The following FER1L6 variants were observed in gnomAD, a reference collection of about 807,000 sequenced individuals.
The protein encoded by FER1L6 is fer-1-like protein 6.
FER1L6 carries 177 observed loss-of-function variants against 219.2 expected under a neutral mutation model. The observed-to-expected ratio is 0.81, with a 90% CI of 0.71 to 0.91. FER1L6 has a LOEUF of 0.91. Ranked by LOEUF, FER1L6 falls within the 40% of genes least tolerant of loss-of-function variation. FER1L6 has a pLI of 0.00. For missense variants in FER1L6, 2,153 were observed against 2,259.9 expected, an observed-to-expected ratio of 0.95 and a Z score of 0.96; for synonymous variants, 768 against 824.3, an observed-to-expected ratio of 0.93 and a Z score of 1.17.
chr8:124,114,894 CGTATATAT>C (rs1222472472), intron 39 of FER1L6, among the ~76,000 whole-genome samples: 2 of 30,930 alleles, frequency 6.5e-5, no homozygotes, highest in Non-Finnish European at 1.6e-4. Flanking sequence ...TGTGTGTGTG[CGTATATAT>C]ATATATATAT....
rs545685767 is a variant in FER1L6 at position 123,928,472 on chromosome 8, G to T, written c.-7-27520G>T. The stretch of plus-strand genomic sequence containing the variant: ...TTCTGCTGTGGGGAAGGGCAAATAG[G>T]CTTGTTTTCTTAGGGGAGTAGCAGA... On this transcript the variant is annotated intron_variant, in intron 1 of 40. Coordinates refer to ENST00000522917, the MANE Select transcript of FER1L6 (RefSeq NM_001039112.2). 3.3e-5 allele frequency among the ~76,000 whole-genome samples: 5 copies of T among 152,246 alleles called. No homozygotes were observed. The South Asian group carries it at 1.0e-3, about 32-fold the overall frequency.
intron 1 of FER1L6, among the ~76,000 whole-genome samples, chr8:123,946,727 C>G (rs940510539): frequency 6.6e-6 from 1 of 152,164 alleles, no homozygotes; most frequent in African/African-American, 2.4e-5. Flanking sequence ...CTCTCTTCCT[C>G]CCACATCTGA....
intron 12 of FER1L6, among the ~76,000 whole-genome samples, chr8:123,992,145 T>C (rs1056434963): frequency 6.6e-6 from 1 of 152,184 alleles, no homozygotes; most frequent in African/African-American, 2.4e-5. Context: ...ATCAGGGATA[T>C]TGTTCTGTAG....
At chr8:124,019,406 G>A (rs1818355382) in intron 16 of FER1L6, among the ~76,000 whole-genome samples, 1 of 152,282 alleles carries the variant, frequency 6.6e-6, no homozygotes, top group African/African-American at 2.4e-5. Flanking sequence ...TTAATTATGT[G>A]CATGTATTGT....
At chr8:123,911,234 A>G (rs190794858) in intron 1 of FER1L6, among the ~76,000 whole-genome samples, 84 of 152,376 alleles carry the variant, frequency 5.5e-4, no homozygotes, top group Non-Finnish European at 7.3e-4. Context: ...CACATTTCAA[A>G]AAAAGTTACT....
At chr8:124,021,839 A>T (rs1008570691) in intron 17 of FER1L6, among the ~76,000 whole-genome samples, 170 bp downstream of exon 17, 1 of 135,998 alleles carries the variant, frequency 7.4e-6, no homozygotes, top group African/African-American at 2.9e-5. Context: ...TAAACCAAAC[A>T]AGTACAGCTT....
intron 22 of FER1L6, 136 bp from the exon 23 acceptor site, chr8:124,060,044 G>C: frequency 1.5e-6 from 1 of 661,678 alleles, no homozygotes; most frequent in Non-Finnish European, 2.7e-6. Flanking sequence ...TAAAATGCAT[G>C]GTCCTTGTAT....
In FER1L6 at chr8:123,973,523, A is replaced by G. The variant is rs891286178; in HGVS notation, c.526+11A>G. On this transcript the variant is annotated intron_variant, in intron 7 of 40. Coordinates refer to ENST00000522917, the MANE Select transcript of FER1L6 (RefSeq NM_001039112.2). ...TGTACAACCAACCTGGTAAGAAAACATCACCTCCCCATCTGTATCTCACTT... is the reference window on the plus strand; with the variant it reads ...TGTACAACCAACCTGGTAAGAAAACGTCACCTCCCCATCTGTATCTCACTT... 6.9e-6 allele frequency: 11 copies of G among 1,600,792 alleles called. No individual in the cohort carries two copies. The highest frequency in any genetic ancestry group is 9.4e-6 in the Non-Finnish European group (11 of 1,168,044).
At chr8:123,936,122 G>T (rs551716898) in intron 1 of FER1L6, among the ~76,000 whole-genome samples, 31 of 152,150 alleles carry the variant, frequency 2.0e-4, no homozygotes, top group African/African-American at 7.2e-4. Context: ...ATAACCTCTC[G>T]GTCAGATGCA....
chr8:124,095,003 C>G lies in FER1L6; in HGVS notation c.4660C>G (p.Pro1554Ala). The change falls in exon 35 of 41, where the codon CCA becomes GCA. Residue 1554 changes from proline (P) to alanine (A), a missense_variant. By Grantham distance (27) the Pro-to-Ala change is conservative. Coordinates refer to ENST00000522917, the MANE Select transcript of FER1L6 (RefSeq NM_001039112.2). ...GGTTCCTGAACACATAGAAACTCGG[C>G]CACTGTACCACAAGGATAAGCCAGG... Reference protein sequence around the residue: ...RLVPEHIETRPLYHKDKPGME... With the variant: ...RLVPEHIETRALYHKDKPGME... The G allele has an allele frequency of 1.2e-6, 2 of 1,614,086 alleles. No homozygotes were observed. The highest frequency in any genetic ancestry group is 1.7e-6 in the Non-Finnish European group (2 of 1,179,964).
At chr8:124,000,474 A>T (rs1392372814) in intron 12 of FER1L6, among the ~76,000 whole-genome samples, 2 of 152,062 alleles carry the variant, frequency 1.3e-5, no homozygotes, top group Non-Finnish European at 2.9e-5. Flanking sequence ...CTCTAGATTT[A>T]TTTTCATACT....
At chr8:123,978,052 C>T (rs990793195) in intron 10 of FER1L6, among the ~76,000 whole-genome samples, 8 of 152,080 alleles carry the variant, frequency 5.3e-5, no homozygotes, top group Non-Finnish European at 1.2e-4. Context: ...ACTTTCCATG[C>T]TACTGTAGGG....
chr8:124,040,271 G>A (rs1201913430), intron 20 of FER1L6, among the ~76,000 whole-genome samples: 1 of 152,220 alleles, frequency 6.6e-6, no homozygotes, highest in African/African-American at 2.4e-5. Context: ...ATGAGGCGGA[G>A]AAGGCTAAAG....
At chr8:124,085,640 C>T (rs1327087091) in intron 33 of FER1L6, among the ~76,000 whole-genome samples, 1 of 150,078 alleles carries the variant, frequency 6.7e-6, no homozygotes, top group Non-Finnish European at 1.5e-5. Context: ...TGTGGCCTAA[C>T]GTGTGGTCTG....
At chr8:123,948,496 C>A (rs1814599447) in intron 1 of FER1L6, among the ~76,000 whole-genome samples, 1 of 152,152 alleles carries the variant, frequency 6.6e-6, no homozygotes, top group South Asian at 2.1e-4. Flanking sequence ...AATATTCATT[C>A]ATTCATCTTA....
intron 1 of FER1L6, among the ~76,000 whole-genome samples, chr8:123,883,156 G>A (rs1817141458): frequency 6.6e-6 from 1 of 152,178 alleles, no homozygotes; most frequent in Non-Finnish European, 1.5e-5. Context: ...GTGAACAATG[G>A]TAAGAAGCCA....
chr8:123,992,598 T>C (rs562095795), intron 12 of FER1L6, among the ~76,000 whole-genome samples: 13 of 152,306 alleles, frequency 8.5e-5, no homozygotes, highest in Admixed American at 5.2e-4. Flanking sequence ...TCCATCTTCT[T>C]CTTTTCTTGG....
chr8:123,973,337 C>A, intron 6 of FER1L6, 97 bp from the exon 7 acceptor site: 2 of 947,584 alleles, frequency 2.1e-6, no homozygotes, highest in Non-Finnish European at 3.4e-6. Flanking sequence ...GATGGCCAAA[C>A]TCCACTGTGC....
At chr8:124,040,134 G>A (rs1367361868) in intron 20 of FER1L6, 128 bp downstream of exon 20, 4 of 1,267,628 alleles carry the variant, frequency 3.2e-6, no homozygotes, top group Non-Finnish European at 4.4e-6. Context: ...AGATGTTTCA[G>A]ACTGAAAAGC....
Sources: gnomAD v4.1 joint callset for allele counts (sites outside exome capture counted in the v4.1 genomes callset) on GRCh38, gnomAD v4.1.1 for gene constraint, MANE v1.5 for transcripts, NCBI Gene and HGNC (gene_info 2026-07-23, HGNC 2026-07-21) for gene names.